The following KIAA1217 variants were observed in gnomAD, a reference collection of about 807,000 sequenced individuals.
KIAA1217 encodes the protein sickle tail protein homolog.
In KIAA1217, 88 loss-of-function variants were observed where a neutral mutation model predicts 163.9. The ratio of observed to expected loss-of-function variants is 0.54; its 90% CI spans 0.45 to 0.64. The LOEUF (loss-of-function observed/expected upper bound fraction) is 0.64. Among genes scored for constraint, KIAA1217 ranks in the 30% least tolerant of loss-of-function variants. The pLI, the probability that KIAA1217 is intolerant of heterozygous loss-of-function variation, is 0.00. For synonymous variants in KIAA1217, 903 were observed against 923.1 expected (o/e 0.98, Z 0.39); for missense variants, 2,372 against 2,475.0 (o/e 0.96, Z 0.88).
intron 1 of KIAA1217, among the ~76,000 whole-genome samples, chr10:23,956,265 C>T (rs1354342199): frequency 1.3e-5 from 2 of 152,090 alleles, no homozygotes; most frequent in Admixed American, 6.6e-5. Flanking sequence ...TGTGTCCTTA[C>T]CTCTCACCCC....
chr10:24,335,285 G>A (rs1206385389), intron 2 of KIAA1217, among the ~76,000 whole-genome samples: 1 of 146,186 alleles, frequency 6.8e-6, no homozygotes, highest in Admixed American at 7.1e-5. Context: ...CTGCTAATGG[G>A]CAAGGAGGGT....
intron 2 of KIAA1217, among the ~76,000 whole-genome samples, chr10:24,027,497 A>G (rs1178847736): frequency 6.6e-6 from 1 of 152,188 alleles, no homozygotes; most frequent in Non-Finnish European, 1.5e-5. Flanking sequence ...TTCATCATAT[A>G]CCAACAAACA....
intron 2 of KIAA1217, among the ~76,000 whole-genome samples, chr10:24,047,065 A>G (rs1012760550): frequency 1.3e-5 from 2 of 152,244 alleles, no homozygotes; most frequent in African/African-American, 4.8e-5. Context: ...AGAAGTGGGA[A>G]AGGATGAGAA....
At chr10:24,015,775 A>G (rs929985189) in intron 2 of KIAA1217, among the ~76,000 whole-genome samples, 20 of 151,604 alleles carry the variant, frequency 1.3e-4, no homozygotes, top group African/African-American at 4.8e-4. Context: ...AAAGAAAAAG[A>G]AAAAAGGAAA....
chr10:24,288,292 A>G (rs1439915216), intron 2 of KIAA1217, among the ~76,000 whole-genome samples: 5 of 152,250 alleles, frequency 3.3e-5, no homozygotes, highest in Admixed American at 3.3e-4. Context: ...TATTTTATAG[A>G]CTAGTAAACT....
intron 2 of KIAA1217, among the ~76,000 whole-genome samples, chr10:24,096,259 T>C (rs1283209052): frequency 1.3e-5 from 2 of 152,186 alleles, no homozygotes; most frequent in East Asian, 3.9e-4. Context: ...TCTCCCTCTT[T>C]GTCATTTCCC....
intron 1 of KIAA1217, among the ~76,000 whole-genome samples, chr10:23,801,360 A>G (rs1309266336): frequency 6.6e-6 from 1 of 152,184 alleles, no homozygotes; most frequent in African/African-American, 2.4e-5. Flanking sequence ...TAGCGTTAGG[A>G]TTAATACCTA....
chr10:23,900,037 C>T (rs1841889731), intron 1 of KIAA1217, among the ~76,000 whole-genome samples: 1 of 150,992 alleles, frequency 6.6e-6, no homozygotes, highest in Non-Finnish European at 1.5e-5. Flanking sequence ...AAAGGAGTCT[C>T]ACTCTGTTGC....
chr10:24,473,290 T>C lies in KIAA1217; in HGVS notation c.909T>C (p.Thr303=). The C allele has an allele frequency of 6.5e-7, 1 of 1,533,370 alleles. No homozygotes were observed. Among genetic ancestry groups the C allele is most frequent in the Non-Finnish European group, 8.8e-7 (1 of 1,141,542 alleles). 95.0% of individuals were successfully genotyped at this position (1,533,370 alleles called of 1,614,324 possible). A position where few individuals can be genotyped will look rare whatever the true frequency, so the allele number is the denominator to read the frequency against. The stretch of plus-strand genomic sequence containing the variant: ...CTGGGGCCCCTCGCCCCGGATCTAC[T>C]GCTCATCCACCCCATGCGATTCCAA... ...DGPGAPRPGS[T]AHPPHAIPNS... The change falls in exon 6 of 21, where the codon ACT becomes ACC. Residue 303 remains threonine (T), a synonymous_variant. Coordinates refer to ENST00000376454, the MANE Select transcript of KIAA1217 (RefSeq NM_019590.5).
intron 1 of KIAA1217, among the ~76,000 whole-genome samples, chr10:23,731,968 T>G (rs577281585): frequency 4.9e-4 from 75 of 152,308 alleles, no homozygotes; most frequent in African/African-American, 1.8e-3. Flanking sequence ...GGTTGTGGTG[T>G]ATAACTCTTG....
At chr10:23,923,459 AG>A (rs1254268402) in intron 1 of KIAA1217, among the ~76,000 whole-genome samples, 1 of 152,012 alleles carries the variant, frequency 6.6e-6, no homozygotes. Flanking sequence ...TGTTTAAATG[AG>A]GGGTTTTGAG....
At chr10:24,245,954 G>T (rs528616274) in intron 2 of KIAA1217, among the ~76,000 whole-genome samples, 2 of 152,222 alleles carry the variant, frequency 1.3e-5, no homozygotes, top group East Asian at 3.9e-4. Context: ...CATTTTCATA[G>T]CAGTCACTGG....
At chr10:23,896,987 T>A (rs150987948) in intron 1 of KIAA1217, among the ~76,000 whole-genome samples, 9 of 152,190 alleles carry the variant, frequency 5.9e-5, no homozygotes, top group South Asian at 2.1e-4. Context: ...ACACTTGTGG[T>A]AAATCCAATA....
intron 5 of KIAA1217, among the ~76,000 whole-genome samples, chr10:24,467,814 A>ATGTGTG (rs10672795): frequency 1.7e-3 from 246 of 148,474 alleles, no homozygotes; most frequent in East Asian, 3.4e-3. Flanking sequence ...GTGTGTGTGT[A>ATGTGTG]TGTGTGTGTG....
At chr10:24,263,849 A>G (rs1449237025) in intron 2 of KIAA1217, among the ~76,000 whole-genome samples, 1 of 152,000 alleles carries the variant, frequency 6.6e-6, no homozygotes, top group Non-Finnish European at 1.5e-5. Context: ...TATCAGTCAT[A>G]CATTCTATCT....
At chr10:24,296,671 A>G (rs1367912310) in intron 2 of KIAA1217, among the ~76,000 whole-genome samples, 1 of 152,116 alleles carries the variant, frequency 6.6e-6, no homozygotes, top group Non-Finnish European at 1.5e-5. Context: ...AAACGTGGAA[A>G]CCCTTTTCTT....
chr10:23,984,926 TAA>T (rs77713730), intron 1 of KIAA1217, among the ~76,000 whole-genome samples: 9 of 142,188 alleles, frequency 6.3e-5, no homozygotes, highest in African/African-American at 2.3e-4. Flanking sequence ...CTTAAAGTAT[TAA>T]AAAAAAAAAA....
chr10:24,207,032 C>T (rs545219310), upstream of KIAA1217, among the ~76,000 whole-genome samples: 24 of 152,292 alleles, frequency 1.6e-4, no homozygotes, highest in Non-Finnish European at 2.5e-4. Flanking sequence ...ATCTTTTCTG[C>T]CTGGGTTGAG....
At position 23,947,673 on chromosome 10, in the gene KIAA1217, A is replaced by G. The variant is rs56009731; in HGVS notation, c.-320-59552A>G. 4.9e-3 allele frequency among the ~76,000 whole-genome samples: 740 copies of G among 152,064 alleles called. 8 individuals carry two copies. Among genetic ancestry groups the G allele is most frequent in the African/African-American group, 0.015 (606 of 41,304 alleles). On this transcript the variant is annotated intron_variant, in intron 1 of 18. Transcript: ENST00000376462. ...CATTAAATTATTTCATTTAATAAAT[A>G]TTGATTGATTGCCTTACTATGTGTC...
Sources: gnomAD v4.1 joint callset for allele counts (sites outside exome capture counted in the v4.1 genomes callset) on GRCh38, gnomAD v4.1.1 for gene constraint, MANE v1.5 for transcripts, NCBI Gene and HGNC (gene_info 2026-07-23, HGNC 2026-07-21) for gene names.